TRMU: variants seen among roughly 807,000 people sequenced by gnomAD.
TRMU encodes tRNA mitochondrial 2-thiouridylase.
A neutral mutation model predicts 46.9 loss-of-function variants in TRMU; 49 were observed. That is an observed-to-expected ratio of 1.05 (90% CI 0.83 to 1.33). The LOEUF is 1.33. TRMU is among the 40% of genes most tolerant of loss of function. The probability of loss-of-function intolerance (pLI) is 0.00; values close to 1 mark genes in which losing one functional copy is unlikely to be tolerated. For missense variants in TRMU, 572 were observed against 532.4 expected (o/e 1.07, Z -0.73); for synonymous variants, 241 against 200.9 (o/e 1.20, Z -1.69).
At chr22:46,352,509 C>T in intron 7 of TRMU, 179 bp downstream of exon 7, 2 of 690,464 alleles carry the variant, frequency 2.9e-6, no homozygotes, top group South Asian at 1.6e-5. Context: ...TTGATGGTGG[C>T]TGGGTGCACT....
Position 46,335,981 on chromosome 22 carries a change from C to T in TRMU, c.82+135C>T, listed in dbSNP as rs952784154. 7 of 1,462,800 alleles carry T rather than the reference C, an allele frequency of 4.8e-6. No homozygotes were observed. The African/African-American group carries it at 1.0e-4, about 21-fold the overall frequency. The allele number at this position is 1,462,800 out of a possible 1,614,324, so 90.6% of individuals were successfully genotyped here. On this transcript the variant is annotated intron_variant, in intron 1 of 10. Coordinates refer to ENST00000645190, the MANE Select transcript of TRMU (RefSeq NM_018006.5). ...CGCGCGGGTCGGCAGGAGGATACCC[C>T]GTCCTCTGACTTTGGTTCGGAGGCT...
rs750341652 is a variant in TRMU at position 46,349,507 on chromosome 22, G to C, written c.479-784G>C. Among the ~76,000 whole-genome samples, 5 of 152,248 alleles carry C rather than the reference G, an allele frequency of 3.3e-5. No individual in the cohort carries two copies. Among genetic ancestry groups the C allele is most frequent in the Non-Finnish European group, 5.9e-5 (4 of 68,054 alleles). On this transcript the variant is annotated intron_variant, in intron 4 of 10. Transcript: ENST00000645190. This position sits in a 1 kb window ranked among gnomAD's most constrained non-coding sequence, Gnocchi z 4.6. ...ACCGTCACGGCATGTGGCGTGCTCT[G>C]AGTGTAACTCGAAAGGAGAAGTTTA...
At chr22:46,353,096 C>T (rs749195895) in intron 7 of TRMU, 13 of 161,568 alleles carry the variant, frequency 8.0e-5, no homozygotes, top group Admixed American at 5.7e-5. Context: ...GCTAGGCATT[C>T]CTGAGACAGG....
At chr22:46,355,363 G>C (rs2078566469) in intron 8 of TRMU, 81 bp from the exon 9 acceptor site, 1 of 1,567,362 alleles carries the variant, frequency 6.4e-7, no homozygotes, top group African/African-American at 1.4e-5. Flanking sequence ...TGGTAGGACA[G>C]TTGTTCCCAG....
rs1308473474 is a variant in TRMU, at chr22:46,338,551, C to G, written c.248+607C>G. Among the ~76,000 whole-genome samples the G allele has an allele frequency of 1.3e-5, 2 of 152,198 alleles. No individual in the cohort carries two copies. Among genetic ancestry groups the G allele is most frequent in the African/African-American group, 4.8e-5 (2 of 41,454 alleles). On this transcript the variant is annotated intron_variant, in intron 2 of 10. Transcript: ENST00000645190. This position sits in a 1 kb window ranked among gnomAD's most constrained non-coding sequence, Gnocchi z 4.5. ...TGGCACGCAGGAAGTACCAGTGATG[C>G]TATCAGTCACTGAACCCAGAGGAGG... is the stretch of plus-strand genomic sequence containing the variant.
At position 46,356,036 on chromosome 22, in the gene TRMU, AGCTGTGCAG is replaced by A; in HGVS notation, c.1073_1081del (p.Gln358_Val360del). ...ATCAAGATGGCACCGTGTGGGTGACAGCTGTGCAGGCTGTGCGTGCCCTTGCCACAGGAC... is the reference window on the plus strand; with the variant it reads ...ATCAAGATGGCACCGTGTGGGTGACAGCTGTGCGTGCCCTTGCCACAGGAC... On this transcript the variant is annotated inframe_deletion, in exon 10 of 11. Transcript: ENST00000645190. 2 of 1,614,004 alleles carry A rather than the reference AGCTGTGCAG, an allele frequency of 1.2e-6. No individual in the cohort carries two copies. The highest frequency in any genetic ancestry group is 2.2e-5 in the East Asian group (1 of 44,888).
chr22:46,352,265 ATCTGCAGCC>A lies in TRMU; in HGVS notation c.710_718del (p.Leu237_Pro239del). On this transcript the variant is annotated inframe_deletion and splice_region_variant, in exon 7 of 11. Transcript: ENST00000645190. The stretch of plus-strand genomic sequence containing the variant: ...GGTAATGACATGTTTGTTTTCCAGT[ATCTGCAGCC>A]TCGACCTGGTCACTTTATTTCCATA... The A allele has an allele frequency of 6.2e-7, 1 of 1,614,174 alleles. No homozygotes were observed. Among genetic ancestry groups the A allele is most frequent in the Admixed American group, 1.7e-5 (1 of 60,034 alleles).
Position 46,357,065 on chromosome 22 carries a change from G to C in TRMU, c.*59G>C. On this transcript the variant is annotated 3_prime_UTR_variant, in exon 11 of 11. Transcript: ENST00000645190. The stretch of plus-strand genomic sequence containing the variant: ...CAGGACCCATGGCTGGGCGGCTGGT[G>C]AGCAGTCCAGGTGCCCAAGGGCCAG... 6 of 1,605,612 alleles carry C rather than the reference G, an allele frequency of 3.7e-6. No homozygotes were observed. The South Asian group carries it at 4.4e-5, about 12-fold the overall frequency.
In TRMU at chr22:46,346,294, G is replaced by C. The variant is rs2078255195; in HGVS notation, c.356-128G>C. 5.3e-6 allele frequency: 6 copies of C among 1,134,526 alleles called. No homozygotes were observed. The Middle Eastern group carries it at 9.3e-4, about 176-fold the overall frequency. The allele number at this position is 1,134,526 out of a possible 1,614,324, so 70.3% of individuals were successfully genotyped here. A position where few individuals can be genotyped will look rare whatever the true frequency, so the allele number is the denominator to read the frequency against. On this transcript the variant is annotated intron_variant, in intron 3 of 10. Transcript: ENST00000645190. Reference sequence around the variant, plus strand: ...CTGGGATCTCTATGTTTGGGTGCAGGGTGGATTGTGCAGCCCCTCAGCCTA... The same window carrying C: ...CTGGGATCTCTATGTTTGGGTGCAGCGTGGATTGTGCAGCCCCTCAGCCTA...
chr22:46,351,276 A>T lies in TRMU; in HGVS notation c.651+813A>T, dbSNP rs924211529. On this transcript the variant is annotated intron_variant, in intron 5 of 10. Coordinates refer to ENST00000645190, the MANE Select transcript of TRMU (RefSeq NM_018006.5). This position sits in a 1 kb window ranked among gnomAD's most constrained non-coding sequence, Gnocchi z 6.4. ...CCAGCTCCTCAGGAGGATCGAGCGC[A>T]CCCAGGAGTTTGAGGACAGCCTGGG... Among the ~76,000 whole-genome samples, 3 of 152,148 alleles carry T rather than the reference A, an allele frequency of 2.0e-5. No individual in the cohort carries two copies. The highest frequency in any genetic ancestry group is 7.2e-5 in the African/African-American group (3 of 41,424).
intron 8 of TRMU, chr22:46,355,081 T>C (rs993767983): frequency 8.3e-6 from 3 of 361,472 alleles, no homozygotes; most frequent in Non-Finnish European, 1.0e-5. Flanking sequence ...TCCCTGCGAA[T>C]AGAAAAACCA....
In TRMU at chr22:46,338,026, G is replaced by T; in HGVS notation, c.248+82G>T. ...GAAGGATCCGGTAACCAGCCAGACC[G>T]ACGCCTGTGCTGCAGCCCAGCGCTC... is the stretch of plus-strand genomic sequence containing the variant. On this transcript the variant is annotated intron_variant, in intron 2 of 10. Transcript: ENST00000645190. This position sits in a 1 kb window ranked among gnomAD's most constrained non-coding sequence, Gnocchi z 4.5. The T allele has an allele frequency of 1.3e-6, 2 of 1,583,904 alleles. No homozygotes were observed. Among genetic ancestry groups the T allele is most frequent in the East Asian group, 4.5e-5 (2 of 44,688 alleles).
At chr22:46,337,971 A>G (rs1416319168) in intron 2 of TRMU, 27 bp downstream of exon 2, 9 of 1,613,880 alleles carry the variant, frequency 5.6e-6, no homozygotes, top group Non-Finnish European at 8.5e-7. Flanking sequence ...GCACAAAGGA[A>G]GCTTCCTCAC....
intron 10 of TRMU, 75 bp from the exon 11 acceptor site, chr22:46,356,767 G>A: frequency 6.4e-7 from 1 of 1,574,582 alleles, no homozygotes; most frequent in East Asian, 2.2e-5. Context: ...AGGCCCCATA[G>A]GGGAGCACTC....
In TRMU at chr22:46,355,603, G is replaced by A. The variant is rs748777397; in HGVS notation, c.1018+15G>A. 2.5e-6 allele frequency: 4 copies of A among 1,613,266 alleles called. No individual in the cohort carries two copies. Among genetic ancestry groups the A allele is most frequent in the South Asian group, 2.2e-5 (2 of 91,084 alleles). On this transcript the variant is annotated intron_variant, in intron 9 of 10. Coordinates refer to ENST00000645190, the MANE Select transcript of TRMU (RefSeq NM_018006.5). ...GATGGCACTAGGTGACTGACGGGAG[G>A]GCTCCTGAGGACGGGCCCCTTGAAG...
In TRMU at chr22:46,336,102, C is replaced by T; in HGVS notation, c.82+256C>T. On this transcript the variant is annotated intron_variant, in intron 1 of 10. Transcript: ENST00000645190. This position sits in a 1 kb window ranked among gnomAD's most constrained non-coding sequence, Gnocchi z 4.1. ...CCCCTCTCCACCCACGCGCGCCCACCCACAGTGAGAAGCCGGCGGGCCGGG... is the reference window on the plus strand; with the variant it reads ...CCCCTCTCCACCCACGCGCGCCCACTCACAGTGAGAAGCCGGCGGGCCGGG... 1 of 1,364,882 alleles carries T rather than the reference C, an allele frequency of 7.3e-7. No individual in the cohort carries two copies. The highest frequency in any genetic ancestry group is 9.4e-7 in the Non-Finnish European group (1 of 1,061,690). The allele number at this position is 1,364,882 out of a possible 1,614,324, so 84.5% of individuals were successfully genotyped here.
chr22:46,350,755 C>G lies in TRMU; in HGVS notation c.651+292C>G, dbSNP rs2078395730. Reference sequence around the variant, plus strand: ...GCTGGTGGGGTGCTCTTGGGATGGCCTGCCTGCCAGGTGAGTGCCAGGCAG... The same window carrying G: ...GCTGGTGGGGTGCTCTTGGGATGGCGTGCCTGCCAGGTGAGTGCCAGGCAG... On this transcript the variant is annotated intron_variant, in intron 5 of 10. Coordinates refer to ENST00000645190, the MANE Select transcript of TRMU (RefSeq NM_018006.5). This position sits in a 1 kb window ranked among gnomAD's most constrained non-coding sequence, Gnocchi z 4.6. Among the ~76,000 whole-genome samples, 1 of 152,198 alleles carries G rather than the reference C, an allele frequency of 6.6e-6. No individual in the cohort carries two copies. Among genetic ancestry groups the G allele is most frequent in the Non-Finnish European group, 1.5e-5 (1 of 68,038 alleles).
At position 46,347,188 on chromosome 22, in the gene TRMU, C is replaced by T. The variant is rs548860124; in HGVS notation, c.478+644C>T. Reference sequence around the variant, plus strand: ...CAAGTGGGGCTCAGAGCCGTGTTTCCGCACGGAGCGTCCGTCCATCAGTGG... The same window carrying T: ...CAAGTGGGGCTCAGAGCCGTGTTTCTGCACGGAGCGTCCGTCCATCAGTGG... On this transcript the variant is annotated intron_variant, in intron 4 of 10. Coordinates refer to ENST00000645190, the MANE Select transcript of TRMU (RefSeq NM_018006.5). This position sits in a 1 kb window ranked among gnomAD's most constrained non-coding sequence, Gnocchi z 5.0. 7.6e-4 allele frequency among the ~76,000 whole-genome samples: 116 copies of T among 151,878 alleles called. No individual in the cohort carries two copies. The highest frequency in any genetic ancestry group is 1.3e-3 in the Non-Finnish European group (87 of 68,020).
rs1211823537 is a variant in TRMU at position 46,342,440 on chromosome 22, C to A, written c.249-822C>A. On this transcript the variant is annotated intron_variant, in intron 2 of 10. Transcript: ENST00000645190. The surrounding 1 kb of genome is among the most constrained non-coding windows in gnomAD (Gnocchi z 4.7). ...TGTAGCTGTGCAGAAGCTCTCTGAA[C>A]CCAGTACTCCTGGGTTTTTATGGAG... Among the ~76,000 whole-genome samples the A allele has an allele frequency of 6.6e-6, 1 of 152,176 alleles. No homozygotes were observed. The highest frequency in any genetic ancestry group is 1.5e-5 in the Non-Finnish European group (1 of 68,036).
Sources: allele counts gnomAD v4.1 joint callset (sites outside exome capture counted in the v4.1 genomes callset), GRCh38; gene constraint gnomAD v4.1.1; non-coding constraint Gnocchi (gnomAD v3.1); transcripts MANE v1.5; gene names NCBI Gene and HGNC (gene_info 2026-07-23, HGNC 2026-07-21).